The following PPP6R1 variants were observed in gnomAD, a reference collection of about 807,000 sequenced individuals.
PPP6R1 encodes protein phosphatase 6 regulatory subunit 1.
In PPP6R1, 39 loss-of-function variants were observed where a neutral mutation model predicts 104.6. That is an observed-to-expected ratio of 0.37 (90% CI 0.29 to 0.49). The LOEUF (loss-of-function observed/expected upper bound fraction) is 0.49. Ranked by LOEUF, PPP6R1 falls within the 20% of genes least tolerant of loss-of-function variation. PPP6R1 has a pLI of 0.98. For missense variants in PPP6R1, 1,181 were observed against 1,155.8 expected (o/e 1.02, Z -0.32); for synonymous variants, 549 against 479.0 (o/e 1.15, Z -1.91).
chr19:55,232,977 G>A (rs983443652), intron 17 of PPP6R1: 6 of 152,200 alleles, frequency 3.9e-5, no homozygotes, highest in African/African-American at 1.4e-4. Context: ...CTGTGGTATA[G>A]CCTATTGTTC....
chr19:55,240,226 A>G lies in PPP6R1; in HGVS notation c.1361+10T>C. 2 of 1,584,746 alleles carry G rather than the reference A, an allele frequency of 1.3e-6. No individual in the cohort carries two copies. The highest frequency in any genetic ancestry group is 8.6e-7 in the Non-Finnish European group (1 of 1,166,018). On this transcript the variant is annotated intron_variant, in intron 11 of 23. Coordinates refer to ENST00000412770, the MANE Select transcript of PPP6R1 (RefSeq NM_014931.4). ...AGCCCCTGGAGACATGAAGGGCAGCAGGTGCTCACTGTACACGGTCGTTCT... is the reference window on the plus strand; with the variant it reads ...AGCCCCTGGAGACATGAAGGGCAGCGGGTGCTCACTGTACACGGTCGTTCT...
intron 21 of PPP6R1, 75 bp downstream of exon 21, chr19:55,231,335 T>A: frequency 1.4e-6 from 2 of 1,479,296 alleles, no homozygotes; most frequent in Non-Finnish European, 1.8e-6. Flanking sequence ...AGGGACAAGA[T>A]GAACCCAGAG....
rs543137024 is a variant in PPP6R1, at chr19:55,253,978, A to G, written c.-7+4457T>C. On this transcript the variant is annotated intron_variant, in intron 1 of 23. Transcript: ENST00000412770. The stretch of plus-strand genomic sequence containing the variant: ...CTAAAGCAGGTGGCCGTGACACAGC[A>G]GGAGCTCAGCAGGTGCAAGTCTCTT... 9.3e-4 allele frequency among the ~76,000 whole-genome samples: 142 copies of G among 152,350 alleles called. 1 individual carries two copies. The highest frequency in any genetic ancestry group is 3.2e-3 in the African/African-American group (131 of 41,572).
rs118109446 is a variant in PPP6R1 at position 55,241,629 on chromosome 19, C to T, written c.856G>A (p.Val286Met). The T allele has an allele frequency of 6.2e-3, 9,856 of 1,577,460 alleles. 50 individuals are homozygous for T. Among genetic ancestry groups the T allele is most frequent in the Non-Finnish European group, 7.5e-3 (8,705 of 1,163,150 alleles). ...CTGCTGAAGAAGCTGTTCACGGTCA[C>T]GGACTCGGACCTGCAGCAGGGCAGG... is the stretch of plus-strand genomic sequence containing the variant. ...LEPRRPRSES[V>M]TVNSFFSSVD... Residue 286 changes from valine to methionine, a missense_variant, in exon 8 of 24, where the codon GTG becomes ATG. By Grantham distance (21) the Val-to-Met change is conservative (BLOSUM62 1). Around this residue, in one of 2 missense-constraint regions of PPP6R1, gnomAD observed 1,042 missense variants for 955.6 expected, o/e 1.09. Coordinates refer to ENST00000412770, the MANE Select transcript of PPP6R1 (RefSeq NM_014931.4). The surrounding 1 kb of genome is among the most constrained non-coding windows in gnomAD (Gnocchi z 5.4).
chr19:55,244,591 C>T (rs2087489704), intron 5 of PPP6R1, among the ~76,000 whole-genome samples: 1 of 152,230 alleles, frequency 6.6e-6, no homozygotes, highest in Non-Finnish European at 1.5e-5. Flanking sequence ...CCCTGCAAGG[C>T]ATTATGTGCC....
chr19:55,238,793 G>A (rs974645184), intron 15 of PPP6R1: 3 of 152,916 alleles, frequency 2.0e-5, no homozygotes, highest in Non-Finnish European at 4.4e-5. Flanking sequence ...ACTCCGCCCA[G>A]CCACTTTTTT....
chr19:55,228,735 C>T (rs117115360), downstream of PPP6R1: 3,115 of 1,613,276 alleles, frequency 1.9e-3, 11 homozygotes, highest in Non-Finnish European at 2.3e-3. Context: ...GCTTTGCCAG[C>T]GTCCATGCTG....
At chr19:55,236,125 T>C (rs2087396795) in intron 17 of PPP6R1, among the ~76,000 whole-genome samples, 1 of 151,268 alleles carries the variant, frequency 6.6e-6, no homozygotes, top group Admixed American at 6.6e-5. Context: ...TGAGCCACTG[T>C]GCCCGGCTAA....
In PPP6R1 at chr19:55,236,747, G is replaced by A. The variant is rs756132570; in HGVS notation, c.1884C>T (p.Asp628=). The A allele has an allele frequency of 1.5e-5, 25 of 1,613,776 alleles. No individual in the cohort carries two copies. The highest frequency in any genetic ancestry group is 9.9e-5 in the South Asian group (9 of 91,090). ...QQFDDDEEEE[D]EEEAQGSGES... ...CCCCTGAGCCCTGGGCCTCTTCCTC[G>A]TCCTCCTCTTCCTCATCATCATCAA... is the stretch of plus-strand genomic sequence containing the variant. Residue 628 remains aspartate, a synonymous_variant, in exon 17 of 24, where the codon GAC becomes GAT. Coordinates refer to ENST00000412770, the MANE Select transcript of PPP6R1 (RefSeq NM_014931.4).
chr19:55,242,495 C>T lies in PPP6R1; in HGVS notation c.619-7G>A, dbSNP rs778060690. On this transcript the variant is annotated splice_region_variant and splice_polypyrimidine_tract_variant and intron_variant, in intron 5 of 23. Coordinates refer to ENST00000412770, the MANE Select transcript of PPP6R1 (RefSeq NM_014931.4). ...GGGATGCGTTGGAATGTTGCTGGAA[C>T]GGGGAGAGACAGGTGAGGATCCTGG... is the stretch of plus-strand genomic sequence containing the variant. The T allele has an allele frequency of 1.6e-5, 26 of 1,609,504 alleles. No homozygotes were observed. The highest frequency in any genetic ancestry group is 8.8e-5 in the South Asian group (8 of 90,988).
At chr19:55,242,092 G>A (rs903954044) in intron 7 of PPP6R1, 74 bp downstream of exon 7, 33 of 1,420,074 alleles carry the variant, frequency 2.3e-5, no homozygotes, top group Admixed American at 1.3e-4. Flanking sequence ...GGTGGACACC[G>A]AGACCCGCCT....
At chr19:55,239,744 C>T in intron 13 of PPP6R1, 61 bp from the exon 14 acceptor site, 1 of 1,587,522 alleles carries the variant, frequency 6.3e-7, no homozygotes, top group Non-Finnish European at 8.6e-7. Flanking sequence ...GGGCAGGCAG[C>T]TATCGGTGGC....
chr19:55,241,113 C>G lies in PPP6R1; in HGVS notation c.1162-34G>C. The G allele has an allele frequency of 1.3e-6, 2 of 1,541,464 alleles. No individual in the cohort carries two copies. Among genetic ancestry groups the G allele is most frequent in the Non-Finnish European group, 1.8e-6 (2 of 1,142,744 alleles). ...GGACACAGGATTGGTACCAGAGAGG[C>G]CCCGCCCCAGCCGAGCCCCCAACCC... On this transcript the variant is annotated intron_variant, in intron 9 of 23. Coordinates refer to ENST00000412770, the MANE Select transcript of PPP6R1 (RefSeq NM_014931.4). The surrounding 1 kb of genome is among the most constrained non-coding windows in gnomAD (Gnocchi z 5.4).
intron 1 of PPP6R1, among the ~76,000 whole-genome samples, chr19:55,253,862 G>C (rs947159403): frequency 6.6e-6 from 1 of 152,126 alleles, no homozygotes; most frequent in South Asian, 2.1e-4. Flanking sequence ...GGTGAACCTG[G>C]GCAGGCGCTT....
At chr19:55,228,417 C>T (rs754750858), downstream of PPP6R1, 2 of 1,612,794 alleles carry the variant, frequency 1.2e-6, no homozygotes, top group Non-Finnish European at 1.7e-6. Flanking sequence ...AGGGGCTCAG[C>T]CACCTGCAGA....
chr19:55,257,703 G>A (rs941487805), intron 1 of PPP6R1, among the ~76,000 whole-genome samples: 3 of 152,194 alleles, frequency 2.0e-5, no homozygotes, highest in African/African-American at 7.2e-5. Context: ...AGCTCCCTAA[G>A]TCACCTCGAT....
Position 55,239,901 on chromosome 19 carries a change from G to C in PPP6R1, c.1488C>G (p.Ser496Arg). 1 of 1,613,836 alleles carries C rather than the reference G, an allele frequency of 6.2e-7. No homozygotes were observed. The highest frequency in any genetic ancestry group is 8.5e-7 in the Non-Finnish European group (1 of 1,179,842). ...QLRQLLKELP[S>R]EQQEQWEAFV... ...AGGCTTCCCACTGCTCCTGCTGCTC[G>C]CTGGGCAGCTCTGCTTAGGTGAGAG... is the stretch of plus-strand genomic sequence containing the variant. Residue 496 changes from serine to arginine, a missense_variant, in exon 13 of 24, where the codon AGC becomes AGG. Transcript: ENST00000412770.
chr19:55,230,570 GCCCAGCCCCACCTA>G, intron 23 of PPP6R1, 29 bp downstream of exon 23: 3 of 1,613,404 alleles, frequency 1.9e-6, no homozygotes, highest in Non-Finnish European at 2.5e-6. Flanking sequence ...GGTCTAGCAG[GCCCAGCCCCACCTA>G]CCCAGCCCGA....
Position 55,245,178 on chromosome 19 carries a change from T to C in PPP6R1, c.560A>G (p.Asn187Ser), listed in dbSNP as rs1307228778. ...QLRQDVVNWL[N>S]EEKIVQRLIE... ...CAGCCGCTGGACGATCTTCTCCTCG[T>C]TGAGCCACTGAGGGTGAGAAGGCGA... The change falls in exon 5 of 24, where the codon AAC (asparagine) becomes AGC (serine). Residue 187 changes from asparagine (N) to serine (S), a missense_variant. Physicochemically the swap from Asn to Ser is conservative, Grantham distance 46 (BLOSUM62 1). Coordinates refer to ENST00000412770, the MANE Select transcript of PPP6R1 (RefSeq NM_014931.4). The surrounding 1 kb of genome is among the most constrained non-coding windows in gnomAD (Gnocchi z 6.4). 1.9e-6 allele frequency: 3 copies of C among 1,612,950 alleles called. No individual in the cohort carries two copies. In the African/African-American group the frequency reaches 4.0e-5, roughly 22 times the overall value.
Sources: gnomAD v4.1 joint callset for allele counts (sites outside exome capture counted in the v4.1 genomes callset) on GRCh38, gnomAD v4.1.1 for gene constraint, gnomAD v4.1.1 regional missense constraint, Gnocchi (gnomAD v3.1) non-coding constraint, MANE v1.5 for transcripts, NCBI Gene and HGNC (gene_info 2026-07-23, HGNC 2026-07-21) for gene names.